RBFOX1: variants seen among roughly 807,000 people sequenced by gnomAD.
The protein encoded by RBFOX1 is RNA binding fox-1 homolog 1.
RBFOX1 carries 8 observed loss-of-function variants against 57.7 expected under a neutral mutation model. That is an observed-to-expected ratio of 0.14 (90% CI 0.08 to 0.25). The LOEUF (loss-of-function observed/expected upper bound fraction) is 0.25. Ranked by LOEUF, RBFOX1 falls within the 10% of genes least tolerant of loss-of-function variation. The probability of loss-of-function intolerance (pLI) is 1.00; values close to 1 mark genes in which losing one functional copy is unlikely to be tolerated. For missense variants in RBFOX1, 611 were observed against 548.5 expected (o/e 1.11, Z -1.14); for synonymous variants, 326 against 222.4 (o/e 1.47, Z -4.15).
At chr16:7,159,881 A>G (rs764177114) in intron 4 of RBFOX1, among the ~76,000 whole-genome samples, 2 of 152,224 alleles carry the variant, frequency 1.3e-5, no homozygotes, top group South Asian at 2.1e-4. Context: ...CTTTGATCAT[A>G]TATACTAATT....
chr16:5,640,287 C>T (rs777546225), intron 3 of RBFOX1, among the ~76,000 whole-genome samples: 2 of 152,178 alleles, frequency 1.3e-5, no homozygotes, highest in Non-Finnish European at 2.9e-5. Flanking sequence ...TCTGAAAGTA[C>T]TGTGAATGGG....
At chr16:6,239,583 C>G (rs1166993030) in intron 1 of RBFOX1, among the ~76,000 whole-genome samples, 1 of 149,240 alleles carries the variant, frequency 6.7e-6, no homozygotes, top group South Asian at 2.1e-4. Flanking sequence ...ACTGCATCCT[C>G]CGCCACCTGG....
chr16:7,434,410 T>G (rs531930765), intron 4 of RBFOX1, among the ~76,000 whole-genome samples: 4 of 151,954 alleles, frequency 2.6e-5, no homozygotes, highest in Non-Finnish European at 5.9e-5. Context: ...AGGCGGAGCT[T>G]GCAGTGAGCC....
At chr16:5,707,996 T>A (rs1403801362) in intron 3 of RBFOX1, among the ~76,000 whole-genome samples, 1 of 152,158 alleles carries the variant, frequency 6.6e-6, no homozygotes, top group Non-Finnish European at 1.5e-5. Context: ...AATTTGGCAG[T>A]GTATTCAAAG....
rs1281156871 is a variant in RBFOX1, at chr16:6,019,357, G to C, written c.-762G>C. 2 of 985,412 alleles carry C rather than the reference G, an allele frequency of 2.0e-6. No homozygotes were observed. Among genetic ancestry groups the C allele is most frequent in the East Asian group, 1.1e-4 (1 of 8,704 alleles). The allele number at this position is 985,412 out of a possible 1,614,324, so 61.0% of individuals were successfully genotyped here. A position where few individuals can be genotyped will look rare whatever the true frequency, so the allele number is the denominator to read the frequency against. ...CCGCCGCCTCCTCCAGCCAGAGTCG[G>C]TGGGACTGGCTGCGCTGCCCTGAAG... is the stretch of plus-strand genomic sequence containing the variant. On this transcript the variant is annotated 5_prime_UTR_variant, in exon 1 of 16. Transcript: ENST00000550418. The surrounding 1 kb of genome is among the most constrained non-coding windows in gnomAD (Gnocchi z 4.2).
At chr16:5,759,490 T>C (rs1003038703) in intron 3 of RBFOX1, among the ~76,000 whole-genome samples, 10 of 152,256 alleles carry the variant, frequency 6.6e-5, no homozygotes, top group African/African-American at 2.4e-4. Flanking sequence ...TTCAAATGCA[T>C]ACACCTCTCA....
rs146691770 is a variant in RBFOX1, at chr16:6,109,621, G to A, written c.-127+89629G>A. Among the ~76,000 whole-genome samples the A allele has an allele frequency of 8.4e-4, 127 of 152,074 alleles. 1 individual carries two copies. In the East Asian group the frequency reaches 0.022, roughly 27 times the overall value. On this transcript the variant is annotated intron_variant, in intron 1 of 15. Coordinates refer to ENST00000550418, the MANE Select transcript of RBFOX1 (RefSeq NM_018723.4). ...ATACATTTGCAGTCACGATTGCCTG[G>A]GTAAGTTATAAATCCTAGATATTAG...
intron 1 of RBFOX1, among the ~76,000 whole-genome samples, chr16:5,429,978 G>C (rs1053591982): frequency 6.6e-6 from 1 of 152,160 alleles, no homozygotes; most frequent in Non-Finnish European, 1.5e-5. Context: ...TATCACTGAA[G>C]GAGGCAGAGA....
intron 4 of RBFOX1, among the ~76,000 whole-genome samples, chr16:7,199,384 G>A (rs186393161): frequency 1.3e-5 from 2 of 152,190 alleles, no homozygotes; most frequent in African/African-American, 4.8e-5. Context: ...AAAAGTAGTA[G>A]GTGAGAAATG....
chr16:6,636,374 G>T (rs912345728), intron 2 of RBFOX1, among the ~76,000 whole-genome samples: 1 of 152,074 alleles, frequency 6.6e-6, no homozygotes, highest in Non-Finnish European at 1.5e-5. Context: ...GTTTCATGGT[G>T]TTAGCCAGGA....
At chr16:6,125,323 T>C (rs1597538350) in intron 1 of RBFOX1, among the ~76,000 whole-genome samples, 1 of 152,196 alleles carries the variant, frequency 6.6e-6, no homozygotes. Context: ...GAGGTGGGTC[T>C]ACTTAAGAGG....
At position 7,352,381 on chromosome 16, in the gene RBFOX1, T is replaced by C. The variant is rs115714276; in HGVS notation, c.28-165766T>C. 1.6e-3 allele frequency among the ~76,000 whole-genome samples: 244 copies of C among 152,300 alleles called. 1 individual carries two copies. The highest frequency in any genetic ancestry group is 5.7e-3 in the African/African-American group (237 of 41,554). Reference sequence around the variant, plus strand: ...AAGCTATATATCCTGTTCTCAGAAGTTGAATTTCCCCATCTTGGACAGAGT... The same window carrying C: ...AAGCTATATATCCTGTTCTCAGAAGCTGAATTTCCCCATCTTGGACAGAGT... On this transcript the variant is annotated intron_variant, in intron 4 of 15. Transcript: ENST00000550418.
At chr16:5,814,237 C>G (rs969847615) in intron 3 of RBFOX1, among the ~76,000 whole-genome samples, 2 of 152,126 alleles carry the variant, frequency 1.3e-5, no homozygotes, top group Non-Finnish European at 2.9e-5. Flanking sequence ...GCTGAAGTGC[C>G]TTTGGGAAAC....
intron 11 of RBFOX1, among the ~76,000 whole-genome samples, chr16:7,645,472 T>C (rs945785112): frequency 6.6e-6 from 1 of 152,172 alleles, no homozygotes; most frequent in African/African-American, 2.4e-5. Flanking sequence ...TTTCATAATA[T>C]TTTTATCGAC....
At position 6,835,752 on chromosome 16, in the gene RBFOX1, TAA is replaced by T. The variant is rs56299805; in HGVS notation, c.-16+181130_-16+181131del. On this transcript the variant is annotated intron_variant, in intron 3 of 15. Coordinates refer to ENST00000550418, the MANE Select transcript of RBFOX1 (RefSeq NM_018723.4). ...CTGGGTGATAGAGTAAGACTCTGCT[TAA>T]AAAAAAAAAAAAAAAAAAAAAAAAA... is the stretch of plus-strand genomic sequence containing the variant. Among the ~76,000 whole-genome samples, 282 of 76,968 alleles carry T rather than the reference TAA, an allele frequency of 3.7e-3. 3 individuals carry two copies. The highest frequency in any genetic ancestry group is 9.6e-3 in the Middle Eastern group (1 of 104). The allele number at this position is 76,968 out of a possible 152,430, so 50.5% of individuals were successfully genotyped here. A position where few individuals can be genotyped will look rare whatever the true frequency, so the allele number is the denominator to read the frequency against.
chr16:5,760,063 C>A (rs564088287), intron 3 of RBFOX1, among the ~76,000 whole-genome samples: 1 of 150,440 alleles, frequency 6.6e-6, no homozygotes, highest in South Asian at 2.1e-4. Context: ...GTTTTGTGAT[C>A]TAGTAAATAG....
At chr16:5,976,506 G>A (rs2060065843) in intron 4 of RBFOX1, among the ~76,000 whole-genome samples, 1 of 152,134 alleles carries the variant, frequency 6.6e-6, no homozygotes, top group Non-Finnish European at 1.5e-5. Context: ...ATTCCAGGGT[G>A]GTCCACTTCC....
At chr16:7,313,001 C>G (rs949493979) in intron 4 of RBFOX1, among the ~76,000 whole-genome samples, 5 of 152,182 alleles carry the variant, frequency 3.3e-5, no homozygotes, top group Non-Finnish European at 5.9e-5. Flanking sequence ...CTGACACGTG[C>G]ATTTTCATGC....
chr16:7,084,018 A>ACACTCTCCTGATCATCTTT (rs1363136485), intron 4 of RBFOX1, among the ~76,000 whole-genome samples: 6 of 152,014 alleles, frequency 3.9e-5, no homozygotes, highest in African/African-American at 1.4e-4. Context: ...AAAGGCCCTA[A>ACACTCTCCTGATCATCTTT]CACTCTCCTG....
Sources: gnomAD v4.1 joint callset for allele counts (sites outside exome capture counted in the v4.1 genomes callset) on GRCh38, gnomAD v4.1.1 for gene constraint, Gnocchi (gnomAD v3.1) non-coding constraint, MANE v1.5 for transcripts, NCBI Gene and HGNC (gene_info 2026-07-23, HGNC 2026-07-21) for gene names.